NRXN1: variants seen among roughly 807,000 people sequenced by gnomAD.
NRXN1 encodes neurexin-1.
In NRXN1, 39 loss-of-function variants were observed where a neutral mutation model predicts 150.9. The ratio of observed to expected loss-of-function variants is 0.26; its 90% CI spans 0.20 to 0.34. NRXN1 has a LOEUF of 0.34. Among genes scored for constraint, NRXN1 ranks in the 10% least tolerant of loss-of-function variants. The probability of loss-of-function intolerance (pLI) is 1.00; values close to 1 mark genes in which losing one functional copy is unlikely to be tolerated. For synonymous variants in NRXN1, 924 were observed against 757.0 expected (o/e 1.22, Z -3.62); for missense variants, 1,815 against 1,949.9 (o/e 0.93, Z 1.30).
At chr2:50,761,493 T>C (rs1335548290) in intron 5 of NRXN1, among the ~76,000 whole-genome samples, 2 of 151,944 alleles carry the variant, frequency 1.3e-5, no homozygotes, top group Non-Finnish European at 2.9e-5. Context: ...TCTGCCATGA[T>C]TGTGAGGCCT....
At chr2:50,446,581 C>G (rs927965812) in intron 17 of NRXN1, among the ~76,000 whole-genome samples, 1 of 142,418 alleles carries the variant, frequency 7.0e-6, no homozygotes, top group Non-Finnish European at 1.5e-5. Flanking sequence ...CTTCTTTCCT[C>G]CTTCCTTCCT....
intron 21 of NRXN1, among the ~76,000 whole-genome samples, chr2:49,994,677 C>T (rs998298691): frequency 6.6e-6 from 1 of 152,300 alleles, no homozygotes; most frequent in East Asian, 1.9e-4. Context: ...ACATGGTCAT[C>T]CTAAACCCCA....
At chr2:49,986,304 A>C (rs914501526) in intron 21 of NRXN1, among the ~76,000 whole-genome samples, 4 of 152,224 alleles carry the variant, frequency 2.6e-5, no homozygotes, top group Non-Finnish European at 5.9e-5. Context: ...ACATATGTGG[A>C]TATTTACTCT....
At chr2:49,958,354 C>T (rs375181077) in intron 21 of NRXN1, among the ~76,000 whole-genome samples, 4 of 152,234 alleles carry the variant, frequency 2.6e-5, no homozygotes, top group South Asian at 2.1e-4. Context: ...ACTTACATAA[C>T]ATTTAGATTT....
At chr2:50,272,586 TG>T (rs2069843659) in intron 17 of NRXN1, among the ~76,000 whole-genome samples, 1 of 151,766 alleles carries the variant, frequency 6.6e-6, no homozygotes, top group Non-Finnish European at 1.5e-5. Flanking sequence ...GAAGAAGAGA[TG>T]AAGAAAGTAA....
chr2:50,865,290 A>G (rs1186983802), intron 5 of NRXN1, among the ~76,000 whole-genome samples: 1 of 151,954 alleles, frequency 6.6e-6, no homozygotes. Flanking sequence ...GCTATCCTGT[A>G]ATTTATATTT....
At chr2:50,196,738 T>G (rs977201086) in intron 18 of NRXN1, among the ~76,000 whole-genome samples, 4 of 152,188 alleles carry the variant, frequency 2.6e-5, no homozygotes, top group Non-Finnish European at 4.4e-5. Flanking sequence ...TAAAAACAAA[T>G]GAGATCATGT....
intron 18 of NRXN1, among the ~76,000 whole-genome samples, chr2:50,111,369 A>G (rs909068397): frequency 6.6e-6 from 1 of 152,094 alleles, no homozygotes; most frequent in Non-Finnish European, 1.5e-5. Context: ...CTCATGCGGC[A>G]TGGTGGTCAC....
chr2:50,292,999 C>G (rs999978271), intron 17 of NRXN1, among the ~76,000 whole-genome samples: 2 of 152,154 alleles, frequency 1.3e-5, no homozygotes, highest in African/African-American at 4.8e-5. Flanking sequence ...ACTAATGCAA[C>G]TTAAAGGAAT....
intron 12 of NRXN1, among the ~76,000 whole-genome samples, chr2:50,514,488 C>A (rs1396889400): frequency 6.6e-6 from 1 of 152,174 alleles, no homozygotes; most frequent in Non-Finnish European, 1.5e-5. Flanking sequence ...AAATACCGAT[C>A]TCAGCATTGG....
rs56042523 is a variant in NRXN1, at chr2:50,730,672, C to CTTTTTTTTTTTTTT, written c.833-107071_833-107058dup. Among the ~76,000 whole-genome samples, 18 of 122,024 alleles carry CTTTTTTTTTTTTTT rather than the reference C, an allele frequency of 1.5e-4. 1 individual carries two copies. Among genetic ancestry groups the CTTTTTTTTTTTTTT allele is most frequent in the South Asian group, 2.6e-4 (1 of 3,906 alleles). 80.1% of individuals were successfully genotyped at this position (122,024 alleles called of 152,430 possible). A position where few individuals can be genotyped will look rare whatever the true frequency, so the allele number is the denominator to read the frequency against. Reference sequence around the variant, plus strand: ...AATCTTCCTTTATCTTTCTTGTTTTCTTTTTTTTTTTTTTTTTTGAGACGG... The same window carrying CTTTTTTTTTTTTTT: ...AATCTTCCTTTATCTTTCTTGTTTTCTTTTTTTTTTTTTTTTTTTTTTTTTTTTTTTTGAGACGG... On this transcript the variant is annotated intron_variant, in intron 5 of 22. Coordinates refer to ENST00000401669, the MANE Select transcript of NRXN1 (RefSeq NM_001330078.2).
intron 5 of NRXN1, among the ~76,000 whole-genome samples, chr2:50,857,690 G>A (rs1258309007): frequency 6.6e-6 from 1 of 152,006 alleles, no homozygotes; most frequent in East Asian, 1.9e-4. Flanking sequence ...TTTTCTCCAA[G>A]AAACTGTTTC....
At position 50,922,655 on chromosome 2, in the gene NRXN1, T is replaced by C; in HGVS notation, c.820+3A>G. The C allele has an allele frequency of 1.2e-6, 2 of 1,609,938 alleles. No homozygotes were observed. The highest frequency in any genetic ancestry group is 1.1e-5 in the South Asian group (1 of 90,474). On this transcript the variant is annotated splice_donor_region_variant and intron_variant, in intron 4 of 22. Coordinates refer to ENST00000401669, the MANE Select transcript of NRXN1 (RefSeq NM_001330078.2). ...CAGAGTGGAAAAGGAACAGAGCCCA[T>C]ACCTTGGTCGCCCATCATCAGGTGC...
At chr2:50,305,702 T>A (rs12470914) in intron 17 of NRXN1, among the ~76,000 whole-genome samples, 13,188 of 152,252 alleles carry the variant, frequency 0.087, 661 homozygotes, top group Middle Eastern at 0.14. Flanking sequence ...TATTTGTGGC[T>A]TGATATTCTC....
At position 51,027,954 on chromosome 2, in the gene NRXN1, G is replaced by A. The variant is rs368549770; in HGVS notation, c.320C>T (p.Thr107Met). 99 of 1,603,048 alleles carry A rather than the reference G, an allele frequency of 6.2e-5. No homozygotes were observed. Among genetic ancestry groups the A allele is most frequent in the African/African-American group, 5.5e-4 (41 of 75,040 alleles). Residue 107 changes from threonine to methionine, a missense_variant, in exon 2 of 23, where the codon ACG becomes ATG. Around this residue, in one of 6 missense-constraint regions of NRXN1, gnomAD observed 554 missense variants for 478.8 expected, o/e 1.16. Coordinates refer to ENST00000401669, the MANE Select transcript of NRXN1 (RefSeq NM_001330078.2). ...CAEPATLLAD[T>M]PVNDGAWHSV... ...GTGCCAGGCGCCGTCGTTAACCGGC[G>A]TGTCGGCCAGGAGCGTCGCAGGCTC... is the stretch of plus-strand genomic sequence containing the variant.
At chr2:50,216,423 C>T (rs2063405520) in intron 18 of NRXN1, among the ~76,000 whole-genome samples, 1 of 151,968 alleles carries the variant, frequency 6.6e-6, no homozygotes, top group Non-Finnish European at 1.5e-5. Context: ...AATGAGGATA[C>T]TGTATTTAAA....
At chr2:50,603,957 G>T (rs1347025871) in intron 8 of NRXN1, among the ~76,000 whole-genome samples, 1 of 152,124 alleles carries the variant, frequency 6.6e-6, no homozygotes, top group Non-Finnish European at 1.5e-5. Flanking sequence ...TTAATCTGAA[G>T]CATATCTGGT....
chr2:50,411,434 T>C (rs1263614131), intron 17 of NRXN1, among the ~76,000 whole-genome samples: 1 of 152,174 alleles, frequency 6.6e-6, no homozygotes, highest in Non-Finnish European at 1.5e-5. Context: ...TTGCAGCCTC[T>C]GCCCGGCCAC....
intron 18 of NRXN1, among the ~76,000 whole-genome samples, chr2:50,176,499 C>T (rs565467826): frequency 2.0e-3 from 310 of 152,126 alleles, no homozygotes; most frequent in African/African-American, 7.1e-3. Flanking sequence ...CCTCTCCAAC[C>T]GAGTGGTGAC....
Sources: allele counts gnomAD v4.1 joint callset (sites outside exome capture counted in the v4.1 genomes callset), GRCh38; gene constraint gnomAD v4.1.1; regional missense constraint gnomAD v4.1.1; transcripts MANE v1.5; gene names NCBI Gene and HGNC (gene_info 2026-07-23, HGNC 2026-07-21).